The following KCND3 variants were observed in gnomAD, a reference collection of about 807,000 sequenced individuals.
KCND3 encodes potassium voltage-gated channel subfamily D member 3, also known as A-type voltage-gated potassium channel KCND3.
In KCND3, 9 loss-of-function variants were observed where a neutral mutation model predicts 51.1. The ratio of observed to expected loss-of-function variants is 0.18; its 90% CI spans 0.11 to 0.31. The LOEUF (loss-of-function observed/expected upper bound fraction) is 0.31, where lower values mean the gene tolerates loss of function less well. Ranked by LOEUF, KCND3 falls within the 10% of genes least tolerant of loss-of-function variation. The pLI is 1.00. For synonymous variants in KCND3, 349 were observed against 368.0 expected (o/e 0.95, Z 0.59); for missense variants, 526 against 903.8 (o/e 0.58, Z 5.36).
chr1:111,955,186 A>G (rs777934271), intron 2 of KCND3, among the ~76,000 whole-genome samples: 4 of 152,222 alleles, frequency 2.6e-5, no homozygotes, highest in Non-Finnish European at 4.4e-5. Flanking sequence ...AGGCACGAGA[A>G]TCGCTTAAGC....
At chr1:111,976,228 TCTC>T (rs775143946) in intron 2 of KCND3, among the ~76,000 whole-genome samples, 7 of 152,108 alleles carry the variant, frequency 4.6e-5, no homozygotes, top group Non-Finnish European at 7.4e-5. Flanking sequence ...TGGCTCCCCT[TCTC>T]CTCCTCCCTG....
intron 2 of KCND3, among the ~76,000 whole-genome samples, chr1:111,942,784 A>G (rs1672587513): frequency 6.6e-6 from 1 of 152,220 alleles, no homozygotes; most frequent in Admixed American, 6.5e-5. Context: ...ATTTTAAGTC[A>G]GGAAGGAACT....
chr1:111,936,483 A>T (rs1672229031), intron 2 of KCND3, among the ~76,000 whole-genome samples: 1 of 152,234 alleles, frequency 6.6e-6, no homozygotes, highest in African/African-American at 2.4e-5. Flanking sequence ...ATGGCATTCT[A>T]GGTAGAGGGA....
intron 2 of KCND3, among the ~76,000 whole-genome samples, chr1:111,845,173 T>C (rs1250981907): frequency 6.6e-6 from 1 of 152,204 alleles, no homozygotes; most frequent in Non-Finnish European, 1.5e-5. Flanking sequence ...AGCAAAGTTT[T>C]TGGCAGCCTC....
intron 2 of KCND3, among the ~76,000 whole-genome samples, chr1:111,890,722 A>T (rs1338821356): frequency 6.6e-6 from 1 of 152,168 alleles, no homozygotes; most frequent in African/African-American, 2.4e-5. Context: ...AGGAGAAGAG[A>T]AGCCAGCAAG....
chr1:111,779,307 C>G (rs1290018303), intron 5 of KCND3, among the ~76,000 whole-genome samples: 2 of 151,906 alleles, frequency 1.3e-5, no homozygotes, highest in African/African-American at 2.4e-5. Flanking sequence ...CAGCCCCACA[C>G]CCCCCTCCCC....
rs188547865 is a variant in KCND3 at position 111,873,285 on chromosome 1, C to T, written c.1107-86179G>A. ...ATGAAGCACTCAGACAAGAACAGAC[C>T]CTGCCCTCAGGAGACAGAAATCTAG... is the stretch of plus-strand genomic sequence containing the variant. On this transcript the variant is annotated intron_variant, in intron 2 of 7. Transcript: ENST00000302127. Among the ~76,000 whole-genome samples the T allele has an allele frequency of 4.7e-3, 709 of 152,290 alleles. 7 individuals are homozygous for T. Among genetic ancestry groups the T allele is most frequent in the African/African-American group, 0.016 (654 of 41,558 alleles).
At chr1:111,827,571 G>GT (rs1345681879) in intron 2 of KCND3, among the ~76,000 whole-genome samples, 1 of 152,192 alleles carries the variant, frequency 6.6e-6, no homozygotes, top group Non-Finnish European at 1.5e-5. Flanking sequence ...ATATTGAGCA[G>GT]TAAGTACATG....
At chr1:111,965,162 T>C (rs1673898162) in intron 2 of KCND3, among the ~76,000 whole-genome samples, 2 of 150,530 alleles carry the variant, frequency 1.3e-5, no homozygotes, top group South Asian at 2.1e-4. Context: ...CCCCAGCAAT[T>C]CTCTCTGGAT....
intron 2 of KCND3, among the ~76,000 whole-genome samples, chr1:111,890,222 T>C (rs1669766999): frequency 6.6e-6 from 1 of 152,150 alleles, no homozygotes. Context: ...GGAATGCAAG[T>C]GAAGACCAGC....
intron 2 of KCND3, among the ~76,000 whole-genome samples, chr1:111,816,174 G>C (rs961562262): frequency 6.6e-5 from 10 of 152,244 alleles, no homozygotes; most frequent in African/African-American, 2.2e-4. Context: ...GGCCGGGTGT[G>C]GCCAGGAGGC....
intron 2 of KCND3, among the ~76,000 whole-genome samples, chr1:111,892,806 C>T (rs1052132479): frequency 2.0e-5 from 3 of 152,190 alleles, no homozygotes; most frequent in African/African-American, 4.8e-5. Context: ...TAACTATCTA[C>T]TGAACCAATT....
chr1:111,982,758 CG>C lies in KCND3; in HGVS notation c.-33del. 1 of 1,583,736 alleles carries C rather than the reference CG, an allele frequency of 6.3e-7. No individual in the cohort carries two copies. The highest frequency in any genetic ancestry group is 1.7e-4 in the Middle Eastern group (1 of 5,840). On this transcript the variant is annotated 5_prime_UTR_variant, in exon 2 of 8. Coordinates refer to ENST00000302127, the MANE Select transcript of KCND3 (RefSeq NM_001378969.1). This position sits in a 1 kb window ranked among gnomAD's most constrained non-coding sequence, Gnocchi z 8.5. The stretch of plus-strand genomic sequence containing the variant: ...TCCAGCTCTTGGGCCGGCAGCCGCG[CG>C]GACGCTAGGCACACCAGCTTGGAGT...
chr1:111,818,487 G>A (rs1217940291), intron 2 of KCND3, among the ~76,000 whole-genome samples: 1 of 152,146 alleles, frequency 6.6e-6, no homozygotes, highest in Non-Finnish European at 1.5e-5. Flanking sequence ...GCCAGCGAGG[G>A]GTTTTCACCT....
chr1:111,871,892 AGTGGG>A (rs1367499155), intron 2 of KCND3, among the ~76,000 whole-genome samples: 1 of 152,148 alleles, frequency 6.6e-6, no homozygotes, highest in African/African-American at 2.4e-5. Context: ...AGTGTTAGGA[AGTGGG>A]GAGAACTGAG....
At chr1:111,867,088 T>C (rs1021512843) in intron 2 of KCND3, among the ~76,000 whole-genome samples, 10 of 152,242 alleles carry the variant, frequency 6.6e-5, no homozygotes, top group Non-Finnish European at 1.5e-4. Flanking sequence ...TGTTCCTTCA[T>C]CTGTAGAAAG....
intron 2 of KCND3, among the ~76,000 whole-genome samples, chr1:111,954,897 T>C (rs1206229210): frequency 2.0e-5 from 3 of 152,244 alleles, no homozygotes; most frequent in African/African-American, 7.2e-5. Flanking sequence ...ATTTGTGACA[T>C]AGGTCCTCCT....
chr1:111,927,840 T>C (rs1185951856), intron 2 of KCND3, among the ~76,000 whole-genome samples: 4 of 152,114 alleles, frequency 2.6e-5, no homozygotes, highest in Non-Finnish European at 5.9e-5. Flanking sequence ...CAGGGCTCAC[T>C]CCTCTTCCCT....
intron 2 of KCND3, among the ~76,000 whole-genome samples, chr1:111,833,977 T>C (rs184196939): frequency 1.0e-3 from 159 of 152,076 alleles, no homozygotes; most frequent in Non-Finnish European, 4.0e-4. Flanking sequence ...AGGCCAGGAG[T>C]AGATGGAAGA....
Sources: allele counts gnomAD v4.1 joint callset (sites outside exome capture counted in the v4.1 genomes callset), GRCh38; gene constraint gnomAD v4.1.1; non-coding constraint Gnocchi (gnomAD v3.1); transcripts MANE v1.5; gene names NCBI Gene and HGNC (gene_info 2026-07-23, HGNC 2026-07-21).